WWOX: variants seen among roughly 807,000 people sequenced by gnomAD.
The protein encoded by WWOX is WW domain-containing oxidoreductase.
Under a neutral mutation model 46.2 loss-of-function variants are expected in WWOX, and 69 were observed. The ratio of observed to expected loss-of-function variants is 1.49; its 90% CI spans 1.23 to 1.82. WWOX has a LOEUF of 1.82. WWOX is among the 40% of genes most tolerant of loss of function. The probability of loss-of-function intolerance (pLI) is 0.00; values close to 1 mark genes in which losing one functional copy is unlikely to be tolerated. For missense variants in WWOX, 919 were observed against 542.6 expected (o/e 1.69, Z -6.89); for synonymous variants, 359 against 202.6 (o/e 1.77, Z -6.56).
At chr16:78,383,059 GC>G in intron 5 of WWOX, among the ~76,000 whole-genome samples, 1 of 150,426 alleles carries the variant, frequency 6.6e-6, no homozygotes, top group African/African-American at 2.4e-5. Flanking sequence ...CAGATCTTAG[GC>G]ATACTGGATC....
chr16:78,855,288 C>T (rs902958228), intron 8 of WWOX, among the ~76,000 whole-genome samples: 1 of 152,046 alleles, frequency 6.6e-6, no homozygotes, highest in Non-Finnish European at 1.5e-5. Context: ...TTATAGGAGT[C>T]ATCTTCTTGA....
intron 5 of WWOX, among the ~76,000 whole-genome samples, chr16:78,184,648 C>T (rs2035639441): frequency 6.6e-6 from 1 of 152,058 alleles, no homozygotes; most frequent in Admixed American, 6.6e-5. Context: ...ATTTATATTA[C>T]ATTCATGTTT....
chr16:78,865,566 T>G (rs191999962), intron 8 of WWOX, among the ~76,000 whole-genome samples: 1 of 152,188 alleles, frequency 6.6e-6, no homozygotes, highest in East Asian at 1.9e-4. Context: ...TGAGGCAAGG[T>G]AGGTAAAGTG....
intron 7 of WWOX, among the ~76,000 whole-genome samples, chr16:78,428,653 C>G (rs1447321253): frequency 2.0e-5 from 3 of 152,156 alleles, no homozygotes; most frequent in African/African-American, 7.2e-5. Context: ...TTAGTGTTCC[C>G]TAGTCATGAC....
chr16:78,182,329 G>C lies in WWOX; in HGVS notation c.516+18040G>C, dbSNP rs150793740. Among the ~76,000 whole-genome samples the C allele has an allele frequency of 5.4e-3, 824 of 152,204 alleles. 7 individuals carry two copies. Among genetic ancestry groups the C allele is most frequent in the Non-Finnish European group, 8.6e-3 (588 of 68,004 alleles). ...AAAGAAAAGAAATGCTTGGGGCTCT[G>C]CCTACCTGTCTAGGCTCCTGTCTGG... On this transcript the variant is annotated intron_variant, in intron 5 of 8. Coordinates refer to ENST00000566780, the MANE Select transcript of WWOX (RefSeq NM_016373.4).
chr16:78,174,998 GTAATAATAA>G (rs368742234), intron 5 of WWOX, among the ~76,000 whole-genome samples: 8 of 140,880 alleles, frequency 5.7e-5, no homozygotes, highest in South Asian at 2.2e-4. Flanking sequence ...AAAAATAATA[GTAATAATAA>G]TAATAATAAT....
intron 8 of WWOX, among the ~76,000 whole-genome samples, chr16:78,847,225 G>A (rs1389464100): frequency 6.6e-6 from 1 of 152,126 alleles, no homozygotes; most frequent in East Asian, 1.9e-4. Flanking sequence ...ATTACTGCTG[G>A]AGTGTCATTG....
intron 5 of WWOX, among the ~76,000 whole-genome samples, chr16:78,271,831 A>C (rs1364297329): frequency 1.3e-5 from 2 of 152,178 alleles, no homozygotes; most frequent in Non-Finnish European, 1.5e-5. Context: ...GTAGGGTAGG[A>C]CATTTTGGTA....
At chr16:79,027,595 A>G (rs1481148927) in intron 8 of WWOX, among the ~76,000 whole-genome samples, 56 of 151,820 alleles carry the variant, frequency 3.7e-4, no homozygotes. Context: ...GACCTGAATT[A>G]TATGAATCTG....
At chr16:78,695,147 A>G (rs2048072016) in intron 8 of WWOX, among the ~76,000 whole-genome samples, 1 of 152,200 alleles carries the variant, frequency 6.6e-6, no homozygotes, top group Non-Finnish European at 1.5e-5. Context: ...TAAATTTCAA[A>G]TGAAATATGA....
chr16:78,281,738 A>G (rs9924232), intron 5 of WWOX, among the ~76,000 whole-genome samples: 50,832 of 151,872 alleles, frequency 0.33, 10,152 homozygotes, highest in African/African-American at 0.57. Flanking sequence ...CCCGCCCCCA[A>G]CCATTTAAAA....
chr16:79,194,028 C>A (rs1037471301), intron 8 of WWOX, among the ~76,000 whole-genome samples: 2 of 152,116 alleles, frequency 1.3e-5, no homozygotes, highest in African/African-American at 4.8e-5. Context: ...TGGGGAAAAT[C>A]TTAGTAAATC....
intron 8 of WWOX, among the ~76,000 whole-genome samples, chr16:78,722,456 A>T (rs2048716126): frequency 6.6e-6 from 1 of 152,210 alleles, no homozygotes; most frequent in African/African-American, 2.4e-5. Context: ...AGTACTTGGC[A>T]TAGTTCCTGT....
At chr16:78,355,090 C>G (rs1336899783) in intron 5 of WWOX, among the ~76,000 whole-genome samples, 1 of 151,744 alleles carries the variant, frequency 6.6e-6, no homozygotes, top group Non-Finnish European at 1.5e-5. Flanking sequence ...TGAGATGGAG[C>G]CACTGCACTC....
At chr16:78,758,892 C>T (rs1295021317) in intron 8 of WWOX, among the ~76,000 whole-genome samples, 1 of 150,640 alleles carries the variant, frequency 6.6e-6, no homozygotes, top group Non-Finnish European at 1.5e-5. Context: ...AATCTTCTTC[C>T]CAAGCCAGCA....
intron 6 of WWOX, among the ~76,000 whole-genome samples, chr16:78,415,718 C>T (rs2082782921): frequency 1.3e-5 from 2 of 152,120 alleles, no homozygotes; most frequent in African/African-American, 4.8e-5. Context: ...GAGCTGGTCC[C>T]TTTGCAGTAG....
At chr16:78,707,059 T>C (rs909091777) in intron 8 of WWOX, among the ~76,000 whole-genome samples, 3 of 152,202 alleles carry the variant, frequency 2.0e-5, no homozygotes, top group Non-Finnish European at 4.4e-5. Flanking sequence ...GAAAAGAACG[T>C]ATTCCCCTTC....
chr16:78,645,990 C>G (rs114803181), intron 8 of WWOX, among the ~76,000 whole-genome samples: 2,191 of 152,210 alleles, frequency 0.014, 48 homozygotes, highest in African/African-American at 0.05. Flanking sequence ...CTTCTCTCCC[C>G]CTCCTCTCCC....
At chr16:78,885,723 C>G (rs962317521) in intron 8 of WWOX, among the ~76,000 whole-genome samples, 22 of 151,928 alleles carry the variant, frequency 1.4e-4, no homozygotes, top group African/African-American at 5.3e-4. Flanking sequence ...TCACGAATGG[C>G]AGAAGATGAA....
Sources: gnomAD v4.1 joint callset for allele counts (sites outside exome capture counted in the v4.1 genomes callset) on GRCh38, gnomAD v4.1.1 for gene constraint, MANE v1.5 for transcripts, NCBI Gene and HGNC (gene_info 2026-07-23, HGNC 2026-07-21) for gene names.